The following PRCC variants were observed in gnomAD, a reference collection of about 807,000 sequenced individuals.
The protein encoded by PRCC is proline rich mitotic checkpoint control factor.
PRCC carries 10 observed loss-of-function variants against 44.0 expected under a neutral mutation model. The ratio of observed to expected loss-of-function variants is 0.23; its 90% CI spans 0.14 to 0.39. PRCC has a LOEUF of 0.39. Ranked by LOEUF, PRCC falls within the 10% of genes least tolerant of loss-of-function variation. PRCC has a pLI of 1.00. For synonymous variants in PRCC, 278 were observed against 259.5 expected (o/e 1.07, Z -0.69); for missense variants, 573 against 624.7 (o/e 0.92, Z 0.88).
chr1:156,772,279 G>A (rs1358614298), intron 1 of PRCC, among the ~76,000 whole-genome samples: 2 of 152,210 alleles, frequency 1.3e-5, no homozygotes, highest in African/African-American at 4.8e-5. Context: ...AACTATGATG[G>A]TAGTCTCAAT....
chr1:156,798,441 G>C (rs1012009468), intron 6 of PRCC, among the ~76,000 whole-genome samples: 1 of 152,182 alleles, frequency 6.6e-6, no homozygotes, highest in African/African-American at 2.4e-5. Context: ...AACTGCAGCT[G>C]CAGACCCCAG....
Position 156,786,883 on chromosome 1 carries a change from A to C in PRCC, c.792A>C (p.Glu264Asp), listed in dbSNP as rs536014100. The C allele has an allele frequency of 6.2e-7, 1 of 1,614,246 alleles. No homozygotes were observed. Among genetic ancestry groups the C allele is most frequent in the East Asian group, 2.2e-5 (1 of 44,890 alleles). ...LQVTKQITQEEDDSDEEVAPE... is the reference protein window; with the variant it reads ...LQVTKQITQEDDDSDEEVAPE... Reference sequence around the variant, plus strand: ...TGACAAAGCAGATCACGCAGGAAGAAGACGACAGTGATGAGGAAGTAGCCC... The same window carrying C: ...TGACAAAGCAGATCACGCAGGAAGACGACGACAGTGATGAGGAAGTAGCCC... Residue 264 changes from glutamate (E) to aspartate (D), a missense_variant, in exon 3 of 7, where the codon GAA becomes GAC. Glu to Asp is a conservative substitution (Grantham distance 45). This residue lies in a region of PRCC where 118 missense variants were observed against 166.7 expected (regional missense o/e 0.71). Transcript: ENST00000271526.
At chr1:156,793,595 A>G (rs1192834924) in intron 4 of PRCC, among the ~76,000 whole-genome samples, 2 of 151,828 alleles carry the variant, frequency 1.3e-5, no homozygotes, top group Non-Finnish European at 1.5e-5. Flanking sequence ...CTTTGTCTCT[A>G]ATGTCCACTC....
chr1:156,780,370 A>T (rs1191388483), intron 1 of PRCC, among the ~76,000 whole-genome samples: 1 of 151,706 alleles, frequency 6.6e-6, no homozygotes, highest in Non-Finnish European at 1.5e-5. Flanking sequence ...TCATATGGTA[A>T]ATTCTATTGT....
chr1:156,786,814 G>A lies in PRCC; in HGVS notation c.723G>A (p.Ser241=), dbSNP rs145902229. The part of the protein sequence containing the change: ...PVVGTTTTTP[S]PSAIKAAAKS... Reference sequence around the variant, plus strand: ...TGGGCACCACAACCACCACTCCGTCGCCCTCTGCTATCAAGGCTGCTGCCA... The same window carrying A: ...TGGGCACCACAACCACCACTCCGTCACCCTCTGCTATCAAGGCTGCTGCCA... Residue 241 remains serine (S), a synonymous_variant, in exon 3 of 7, where the codon TCG becomes TCA. Transcript: ENST00000271526. 3.9e-4 allele frequency: 627 copies of A among 1,614,142 alleles called. 3 individuals are homozygous for A. The highest frequency in any genetic ancestry group is 4.9e-4 in the Middle Eastern group (3 of 6,062).
At chr1:156,798,840 CAAA>C (rs890646541) in intron 6 of PRCC, among the ~76,000 whole-genome samples, 5 of 53,658 alleles carry the variant, frequency 9.3e-5, no homozygotes, top group Admixed American at 2.2e-4. Flanking sequence ...GACTCCATCT[CAAA>C]AAAAAAAAAA....
intron 6 of PRCC, among the ~76,000 whole-genome samples, chr1:156,798,593 A>G (rs1007792375): frequency 2.6e-5 from 4 of 152,126 alleles, no homozygotes; most frequent in African/African-American, 4.8e-5. Context: ...ATGGTGACTC[A>G]CGCCTGTAAT....
intron 5 of PRCC, 148 bp from the exon 6 acceptor site, chr1:156,797,127 AT>A (rs1652684681): frequency 1.3e-6 from 1 of 787,428 alleles, no homozygotes. Context: ...GCTTTGTAGT[AT>A]ATAGAGGTAA....
chr1:156,800,260 C>G (rs1391209305), intron 6 of PRCC, 114 bp from the exon 7 acceptor site: 21 of 936,268 alleles, frequency 2.2e-5, no homozygotes, highest in Non-Finnish European at 6.7e-6. Context: ...TGCAGTTCCC[C>G]CATAATCGTT....
At chr1:156,783,352 C>T (rs1652116804) in intron 2 of PRCC, among the ~76,000 whole-genome samples, 1 of 152,218 alleles carries the variant, frequency 6.6e-6, no homozygotes, top group Non-Finnish European at 1.5e-5. Context: ...TCCTGGCCCC[C>T]AGAAGTTTCT....
chr1:156,782,311 G>C lies in PRCC; in HGVS notation c.498G>C (p.Lys166Asn). 1 of 1,607,606 alleles carries C rather than the reference G, an allele frequency of 6.2e-7. No individual in the cohort carries two copies. Among genetic ancestry groups the C allele is most frequent in the East Asian group, 2.2e-5 (1 of 44,832 alleles). The change falls in exon 2 of 7, where the codon AAG becomes AAC. Residue 166 changes from lysine to asparagine, a missense_variant. This residue lies in a region of PRCC where 118 missense variants were observed against 166.7 expected (regional missense o/e 0.71). Transcript: ENST00000271526. ...DSDSEEDEPTKKKTILQGSSE... is the reference protein window; with the variant it reads ...DSDSEEDEPTNKKTILQGSSE... The stretch of plus-strand genomic sequence containing the variant: ...ATTCTGAGGAAGATGAACCCACAAA[G>C]AAGAAAACTATCCTTCAGGTAAGCA...
At position 156,794,629 on chromosome 1, in the gene PRCC, C is replaced by T. The variant is rs1318765228; in HGVS notation, c.1180-36C>T. ...TAGTGGCATCTGCTGACACCCTTGC[C>T]CAGATTCCTGACTCCTGCATTTTTT... On this transcript the variant is annotated intron_variant, in intron 4 of 6. Transcript: ENST00000271526. The T allele has an allele frequency of 2.5e-6, 4 of 1,612,108 alleles. No individual in the cohort carries two copies. The African/African-American group carries it at 4.0e-5, about 16-fold the overall frequency.
chr1:156,771,081 G>C (rs575044205), intron 1 of PRCC, among the ~76,000 whole-genome samples: 3 of 152,186 alleles, frequency 2.0e-5, no homozygotes, highest in Non-Finnish European at 2.9e-5. Context: ...GAGCCCTCTG[G>C]GGGGAGATGT....
intron 3 of PRCC, 99 bp downstream of exon 3, chr1:156,787,273 C>A: frequency 1.6e-6 from 2 of 1,281,288 alleles, no homozygotes; most frequent in Non-Finnish European, 2.2e-6. Flanking sequence ...GTCACTTTGG[C>A]TAAATTAACC....
intron 4 of PRCC, 83 bp downstream of exon 4, chr1:156,791,875 A>T: frequency 7.8e-7 from 1 of 1,286,046 alleles, no homozygotes; most frequent in South Asian, 1.3e-5. Context: ...TTAAAAAAAC[A>T]CACACACACA....
At chr1:156,788,407 G>A (rs545936051) in intron 3 of PRCC, among the ~76,000 whole-genome samples, 10 of 152,208 alleles carry the variant, frequency 6.6e-5, no homozygotes, top group African/African-American at 2.4e-4. Context: ...CACTGTTGAC[G>A]GGCATGTAGT....
chr1:156,779,122 ATATATATTTTTTTTTTTTTTTT>A (rs1571578748), intron 1 of PRCC, among the ~76,000 whole-genome samples: 1 of 19,728 alleles, frequency 5.1e-5, no homozygotes, highest in East Asian at 1.0e-3. Context: ...ATATATATAT[ATATATATTTTTTTTTTTTTTTT>A]TTTTTTTTTT....
In PRCC at chr1:156,768,038, C is replaced by T. The variant is rs758007766; in HGVS notation, c.267C>T (p.Gly89=). Reference sequence around the variant, plus strand: ...CCCCCTTGCCCTTCGGCCTGGGAGGCTTCCCCCCACCTCCAGGCGTGAGCC... The same window carrying T: ...CCCCCTTGCCCTTCGGCCTGGGAGGTTTCCCCCCACCTCCAGGCGTGAGCC... ...PPPPLPFGLG[G]FPPPPGVSPA... Residue 89 remains glycine (G), a synonymous_variant, in exon 1 of 7, where the codon GGC becomes GGT. Coordinates refer to ENST00000271526, the MANE Select transcript of PRCC (RefSeq NM_005973.5). 1 of 1,576,892 alleles carries T rather than the reference C, an allele frequency of 6.3e-7. No individual in the cohort carries two copies. The highest frequency in any genetic ancestry group is 2.3e-5 in the East Asian group (1 of 43,532).
At chr1:156,791,876 C>T (rs771514935) in intron 4 of PRCC, 84 bp downstream of exon 4, 14 of 1,280,886 alleles carry the variant, frequency 1.1e-5, no homozygotes, top group African/African-American at 3.0e-5. Flanking sequence ...TAAAAAAACA[C>T]ACACACACAA....
Sources: allele counts gnomAD v4.1 joint callset (sites outside exome capture counted in the v4.1 genomes callset), GRCh38; gene constraint gnomAD v4.1.1; regional missense constraint gnomAD v4.1.1; transcripts MANE v1.5; gene names NCBI Gene and HGNC (gene_info 2026-07-23, HGNC 2026-07-21).